PCDH15: variants seen among roughly 807,000 people sequenced by gnomAD.
PCDH15 encodes the protein protocadherin-15.
PCDH15 carries 129 observed loss-of-function variants against 178.5 expected under a neutral mutation model. The observed-to-expected ratio is 0.72, with a 90% confidence interval of 0.63 to 0.84. The LOEUF is 0.84. PCDH15 is among the 40% of genes least tolerant of loss of function. The probability of loss-of-function intolerance (pLI) is 0.00; values close to 1 mark genes in which losing one functional copy is unlikely to be tolerated. For synonymous variants in PCDH15, 800 were observed against 732.0 expected (o/e 1.09, Z -1.50); for missense variants, 2,230 against 2,099.9 (o/e 1.06, Z -1.21).
intron 3 of PCDH15, among the ~76,000 whole-genome samples, chr10:54,825,766 G>T (rs1437478440): frequency 2.0e-5 from 3 of 151,966 alleles, no homozygotes; most frequent in Non-Finnish European, 4.4e-5. Context: ...TCTTCATTTT[G>T]GATAGGTTTC....
chr10:54,015,662 A>G (rs1243171487), intron 20 of PCDH15, among the ~76,000 whole-genome samples: 1 of 152,216 alleles, frequency 6.6e-6, no homozygotes, highest in Non-Finnish European at 1.5e-5. Flanking sequence ...TGGACTCCCT[A>G]TTCAGCAAAT....
chr10:54,453,561 G>C (rs906041184), intron 3 of PCDH15, among the ~76,000 whole-genome samples: 2 of 151,866 alleles, frequency 1.3e-5, no homozygotes, highest in Admixed American at 6.6e-5. Context: ...GTTAAATGAC[G>C]AGTTAATGGG....
intron 15 of PCDH15, among the ~76,000 whole-genome samples, chr10:54,100,577 T>C (rs946527004): frequency 2.0e-5 from 3 of 152,152 alleles, no homozygotes; most frequent in Non-Finnish European, 4.4e-5. Flanking sequence ...AAAGAGTTCA[T>C]ATCTAGAATT....
In PCDH15 at chr10:54,299,972, T is replaced by C. The variant is rs373418418; in HGVS notation, c.876+17299A>G. 2.6e-3 allele frequency among the ~76,000 whole-genome samples: 392 copies of C among 152,272 alleles called. 1 individual carries two copies. Among genetic ancestry groups the C allele is most frequent in the African/African-American group, 7.1e-3 (295 of 41,564 alleles). On this transcript the variant is annotated intron_variant, in intron 8 of 37. Coordinates refer to ENST00000644397, the MANE Select transcript of PCDH15 (RefSeq NM_001384140.1). ...AGTTTGCTAAAAGTTAACAGTGTAA[T>C]ATGTATTATCCTGCTACCACACACT...
At position 54,958,237 on chromosome 10, in the gene PCDH15, CT is replaced by C. The variant is rs927256505; in HGVS notation, c.-79-60738del. ...AGTACACAGGGTAGTAAATTTGTCT[CT>C]TTTTTTTCTCTTGGTAATTTGTCTT... is the stretch of plus-strand genomic sequence containing the variant. On this transcript the variant is annotated intron_variant, in intron 2 of 5. Transcript: ENST00000458638. Among the ~76,000 whole-genome samples, 5 of 130,298 alleles carry C rather than the reference CT, an allele frequency of 3.8e-5. No homozygotes were observed. In the East Asian group the frequency reaches 8.2e-4, roughly 21 times the overall value. 85.5% of individuals were successfully genotyped at this position (130,298 alleles called of 152,430 possible).
intron 3 of PCDH15, chr10:54,864,621 T>G (rs1272423802): frequency 2.0e-5 from 3 of 152,118 alleles, no homozygotes; most frequent in African/African-American, 7.2e-5. Flanking sequence ...ATCAAGGTTT[T>G]TGGGAGGTTG....
intron 1 of PCDH15, among the ~76,000 whole-genome samples, chr10:55,308,539 T>C (rs1227404098): frequency 6.6e-6 from 1 of 152,156 alleles, no homozygotes; most frequent in Non-Finnish European, 1.5e-5. Context: ...GAAATCATTT[T>C]CTAATACAGA....
At position 54,006,085 on chromosome 10, in the gene PCDH15, T is replaced by C. The variant is rs180906142; in HGVS notation, c.2752-10320A>G. Among the ~76,000 whole-genome samples, 83 of 152,308 alleles carry C rather than the reference T, an allele frequency of 5.4e-4. 1 individual carries two copies. In the East Asian group the frequency reaches 0.015, roughly 28 times the overall value. On this transcript the variant is annotated intron_variant, in intron 20 of 37. Coordinates refer to ENST00000644397, the MANE Select transcript of PCDH15 (RefSeq NM_001384140.1). ...CCCAGAAACCAGTGGGTGATATTTA[T>C]GGAGCCATGGGAGAGATTCTTTACT...
At chr10:54,199,992 C>T (rs769375044) in intron 10 of PCDH15, among the ~76,000 whole-genome samples, 3 of 152,068 alleles carry the variant, frequency 2.0e-5, no homozygotes, top group Admixed American at 6.6e-5. Context: ...AAAAGACAAA[C>T]CACTCCATCT....
At chr10:55,043,838 T>C (rs183520394) in intron 2 of PCDH15, among the ~76,000 whole-genome samples, 31 of 152,200 alleles carry the variant, frequency 2.0e-4, no homozygotes, top group Admixed American at 1.8e-3. Context: ...CTTGCTTACA[T>C]AGCCAGTTGC....
intron 2 of PCDH15, among the ~76,000 whole-genome samples, chr10:55,015,768 C>T (rs528521474): frequency 5.9e-5 from 9 of 152,260 alleles, no homozygotes; most frequent in Admixed American, 5.9e-4. Flanking sequence ...AGCAGATGCG[C>T]TAGGTGCCTT....
At chr10:54,815,810 C>G (rs1003832010) in intron 3 of PCDH15, among the ~76,000 whole-genome samples, 1 of 152,080 alleles carries the variant, frequency 6.6e-6, no homozygotes, top group African/African-American at 2.4e-5. Context: ...ATCTTGCAAA[C>G]AGATGATAAA....
At chr10:54,350,722 C>A (rs1328656890) in intron 5 of PCDH15, among the ~76,000 whole-genome samples, 1 of 152,218 alleles carries the variant, frequency 6.6e-6, no homozygotes, top group Non-Finnish European at 1.5e-5. Context: ...ATGGCTCACA[C>A]CTGTAATCCC....
chr10:54,714,895 G>A (rs1161014155), intron 1 of PCDH15, among the ~76,000 whole-genome samples: 1 of 152,058 alleles, frequency 6.6e-6, no homozygotes, highest in Non-Finnish European at 1.5e-5. Flanking sequence ...ATATATTCAA[G>A]TGTGAAAAAT....
chr10:54,759,559 C>A (rs1170945523), intron 1 of PCDH15, among the ~76,000 whole-genome samples: 2 of 152,146 alleles, frequency 1.3e-5, no homozygotes, highest in African/African-American at 4.8e-5. Flanking sequence ...ATGATTCATT[C>A]ATCTTAATTT....
chr10:54,983,663 T>C (rs567600744), intron 2 of PCDH15, among the ~76,000 whole-genome samples: 2 of 152,296 alleles, frequency 1.3e-5, no homozygotes, highest in South Asian at 4.1e-4. Context: ...TAGCAGTTCA[T>C]GTTAGTATGA....
chr10:54,862,586 T>C (rs1426526704), intron 3 of PCDH15, among the ~76,000 whole-genome samples: 1 of 152,194 alleles, frequency 6.6e-6, no homozygotes, highest in African/African-American at 2.4e-5. Context: ...GGAGCTGTTT[T>C]CGTCCTGGTG....
intron 8 of PCDH15, among the ~76,000 whole-genome samples, chr10:54,304,534 C>T (rs2060349188): frequency 1.3e-5 from 2 of 152,152 alleles, no homozygotes; most frequent in East Asian, 1.9e-4. Context: ...TAGGAAAAAA[C>T]GTCCTGGCAG....
At chr10:53,981,133 C>G (rs560051585) in intron 21 of PCDH15, among the ~76,000 whole-genome samples, 2 of 152,130 alleles carry the variant, frequency 1.3e-5, no homozygotes, top group South Asian at 2.1e-4. Flanking sequence ...TGATATAATT[C>G]TACAGAGTAA....
Sources: allele counts gnomAD v4.1 joint callset (sites outside exome capture counted in the v4.1 genomes callset), GRCh38; gene constraint gnomAD v4.1.1; transcripts MANE v1.5; gene names NCBI Gene and HGNC (gene_info 2026-07-23, HGNC 2026-07-21).